The following EBF1 variants were observed in gnomAD, a reference collection of about 807,000 sequenced individuals.
EBF1 encodes transcription factor COE1.
EBF1 carries 10 observed loss-of-function variants against 68.4 expected under a neutral mutation model. The observed-to-expected ratio is 0.15, with a 90% CI of 0.09 to 0.25. The LOEUF (loss-of-function observed/expected upper bound fraction) is 0.25. Ranked by LOEUF, EBF1 falls within the 10% of genes least tolerant of loss-of-function variation. EBF1 has a pLI of 1.00. For synonymous variants in EBF1, 298 were observed against 299.8 expected, an observed-to-expected ratio of 0.99 and a Z score of 0.06; for missense variants, 509 against 794.4, an observed-to-expected ratio of 0.64 and a Z score of 4.32.
chr5:159,044,809 T>C (rs1772007979), intron 6 of EBF1, among the ~76,000 whole-genome samples: 1 of 152,176 alleles, frequency 6.6e-6, no homozygotes, highest in African/African-American at 2.4e-5. Context: ...ATCTCATCTA[T>C]TTCATATCCC....
At chr5:159,095,696 A>G (rs768325363) in intron 3 of EBF1, 21 bp from the exon 4 acceptor site, 1 of 1,613,820 alleles carries the variant, frequency 6.2e-7, no homozygotes, top group South Asian at 1.1e-5. Flanking sequence ...AAATGGGGGA[A>G]GGGAGGAGAA....
chr5:158,871,129 A>G (rs891206084), intron 6 of EBF1, among the ~76,000 whole-genome samples: 1 of 152,236 alleles, frequency 6.6e-6, no homozygotes, highest in Non-Finnish European at 1.5e-5. Context: ...ACCAGGCACT[A>G]CTTGGAAGAA....
chr5:159,099,287 G>T, intron 1 of EBF1, 58 bp downstream of exon 1: 2 of 1,346,380 alleles, frequency 1.5e-6, no homozygotes, highest in East Asian at 2.8e-5. Flanking sequence ...TGCCGCCTCC[G>T]CCTCCCGGCT....
chr5:158,727,383 T>C (rs1028714502), intron 11 of EBF1, among the ~76,000 whole-genome samples: 4 of 152,200 alleles, frequency 2.6e-5, no homozygotes, highest in African/African-American at 9.6e-5. Flanking sequence ...CCTTGCCCAA[T>C]GTGTCTGGAT....
At chr5:158,951,512 A>G (rs912435709) in intron 6 of EBF1, among the ~76,000 whole-genome samples, 3 of 152,302 alleles carry the variant, frequency 2.0e-5, no homozygotes, top group East Asian at 3.9e-4. Flanking sequence ...TAATTCCCCA[A>G]TCTCTGATAA....
chr5:158,833,109 C>T (rs533036191), intron 7 of EBF1, among the ~76,000 whole-genome samples: 120 of 152,068 alleles, frequency 7.9e-4, no homozygotes, highest in African/African-American at 2.8e-3. Flanking sequence ...TGGTCACCTA[C>T]TTTAAGAGAG....
In EBF1 at chr5:158,698,435, C is replaced by A. The variant is rs1756084931; in HGVS notation, c.*676G>T. The A allele has an allele frequency of 4.5e-6, 1 of 222,554 alleles. No homozygotes were observed. Among genetic ancestry groups the A allele is most frequent in the Admixed American group, 5.8e-5 (1 of 17,370 alleles). The allele number at this position is 222,554 out of a possible 1,614,324, so 13.8% of individuals were successfully genotyped here. ...ATCACTTACATCGCGTTTTAACTTT[C>A]CAGGCTGCATTTATTTACACAGTTG... On this transcript the variant is annotated 3_prime_UTR_variant, in exon 16 of 16. Coordinates refer to ENST00000313708, the MANE Select transcript of EBF1 (RefSeq NM_024007.5).
chr5:158,961,994 C>A (rs1818263408), intron 6 of EBF1, among the ~76,000 whole-genome samples: 1 of 152,174 alleles, frequency 6.6e-6, no homozygotes, highest in African/African-American at 2.4e-5. Context: ...CATTTGTTTA[C>A]ACCTTGCATC....
rs984789341 is a variant in EBF1 at position 159,095,476 on chromosome 5, A to G, written c.411+144T>C. The G allele has an allele frequency of 7.2e-6, 6 of 829,510 alleles. No individual in the cohort carries two copies. The African/African-American group carries it at 1.0e-4, about 14-fold the overall frequency. The allele number at this position is 829,510 out of a possible 1,614,324, so 51.4% of individuals were successfully genotyped here. ...GTGCAAGCGCATGAATGGACACTGG[A>G]AGGCCGTGCAAGTTTGGTCTGAGCC... On this transcript the variant is annotated intron_variant, in intron 4 of 15. Transcript: ENST00000313708.
intron 10 of EBF1, among the ~76,000 whole-genome samples, chr5:158,742,913 G>A (rs981254585): frequency 6.6e-6 from 1 of 152,130 alleles, no homozygotes; most frequent in Non-Finnish European, 1.5e-5. Flanking sequence ...GTTTTATACT[G>A]TTTAATTAAT....
chr5:159,043,222 GTCCATCTGAC>G (rs1365841019), intron 6 of EBF1, among the ~76,000 whole-genome samples: 3 of 152,084 alleles, frequency 2.0e-5, no homozygotes, highest in African/African-American at 7.2e-5. Context: ...TGGAACCCTT[GTCCATCTGAC>G]TCCAGCATGT....
rs1755882446 is a variant in EBF1, at chr5:158,697,028, GTTTATA to G, written c.*2077_*2082del. 1 of 189,398 alleles carries G rather than the reference GTTTATA, an allele frequency of 5.3e-6. No individual in the cohort carries two copies. The highest frequency in any genetic ancestry group is 2.3e-5 in the African/African-American group (1 of 42,756). The allele number at this position is 189,398 out of a possible 1,614,324, so 11.7% of individuals were successfully genotyped here. A position where few individuals can be genotyped will look rare whatever the true frequency, so the allele number is the denominator to read the frequency against. On this transcript the variant is annotated 3_prime_UTR_variant, in exon 16 of 16. Coordinates refer to ENST00000313708, the MANE Select transcript of EBF1 (RefSeq NM_024007.5). ...CATTGTTAAGGCATCCAATCTGCTG[GTTTATA>G]TTTATGTGAAAGACAGAGGAAATAT... is the stretch of plus-strand genomic sequence containing the variant.
intron 6 of EBF1, among the ~76,000 whole-genome samples, chr5:158,860,722 G>A (rs1404608368): frequency 6.6e-6 from 1 of 152,166 alleles, no homozygotes; most frequent in East Asian, 1.9e-4. Context: ...TTTTCTGATG[G>A]CTCAGACTCT....
At chr5:158,993,769 G>A (rs553634321) in intron 6 of EBF1, among the ~76,000 whole-genome samples, 3 of 152,232 alleles carry the variant, frequency 2.0e-5, no homozygotes, top group African/African-American at 4.8e-5. Flanking sequence ...AGTCTAAGTC[G>A]AGAACCAAGA....
At chr5:158,960,251 T>C (rs1172091531) in intron 6 of EBF1, among the ~76,000 whole-genome samples, 1 of 152,186 alleles carries the variant, frequency 6.6e-6, no homozygotes, top group Non-Finnish European at 1.5e-5. Flanking sequence ...TCTAAATCAT[T>C]AAGAGAAAGT....
intron 6 of EBF1, among the ~76,000 whole-genome samples, chr5:159,025,555 C>A (rs1163755735): frequency 1.3e-5 from 2 of 152,208 alleles, no homozygotes; most frequent in Admixed American, 1.3e-4. Context: ...TCTTCTTTAA[C>A]CTTATTAACC....
At chr5:158,893,382 G>C (rs1486548214) in intron 6 of EBF1, among the ~76,000 whole-genome samples, 1 of 152,122 alleles carries the variant, frequency 6.6e-6, no homozygotes, top group East Asian at 1.9e-4. Flanking sequence ...ATTCCTCTCT[G>C]TATTGTGCAT....
intron 6 of EBF1, among the ~76,000 whole-genome samples, chr5:159,021,596 AAGG>A (rs1177721029): frequency 6.6e-6 from 1 of 152,234 alleles, no homozygotes; most frequent in African/African-American, 2.4e-5. Flanking sequence ...ATATAAAGAC[AAGG>A]AGGATTTGCC....
At chr5:158,784,995 C>T (rs1403710892) in intron 9 of EBF1, among the ~76,000 whole-genome samples, 14 of 152,252 alleles carry the variant, frequency 9.2e-5, no homozygotes. Context: ...TAGAGCTTCT[C>T]TGGGGACCCT....
Sources: allele counts gnomAD v4.1 joint callset (sites outside exome capture counted in the v4.1 genomes callset), GRCh38; gene constraint gnomAD v4.1.1; transcripts MANE v1.5; gene names NCBI Gene and HGNC (gene_info 2026-07-23, HGNC 2026-07-21).